The following TSPAN14 variants were observed in gnomAD, a reference collection of about 807,000 sequenced individuals.
TSPAN14 encodes the protein tetraspanin-14.
TSPAN14 carries 16 observed loss-of-function variants against 36.6 expected under a neutral mutation model. That is an observed-to-expected ratio of 0.44 (90% confidence interval 0.30 to 0.66). The LOEUF (loss-of-function observed/expected upper bound fraction) is 0.66, where lower values mean the gene tolerates loss of function less well. Ranked by LOEUF, TSPAN14 falls within the 30% of genes least tolerant of loss-of-function variation. The pLI, the probability that TSPAN14 is intolerant of heterozygous loss-of-function variation, is 0.12. For synonymous variants in TSPAN14, 139 were observed against 143.8 expected, an observed-to-expected ratio of 0.97 and a Z score of 0.24; for missense variants, 231 against 355.1, an observed-to-expected ratio of 0.65 and a Z score of 2.81.
At chr10:80,498,984 C>T (rs1589282173) in intron 2 of TSPAN14, among the ~76,000 whole-genome samples, 5 of 152,196 alleles carry the variant, frequency 3.3e-5, no homozygotes, top group Admixed American at 3.3e-4. Flanking sequence ...GACCCGGAGG[C>T]CAGCAGGGCA....
intron 1 of TSPAN14, among the ~76,000 whole-genome samples, chr10:80,484,176 C>A (rs149260414): frequency 0.021 from 3,128 of 150,098 alleles, 98 homozygotes; most frequent in African/African-American, 0.073. Context: ...ACCAGGGAGG[C>A]GGAGGTTGCA....
intron 1 of TSPAN14, among the ~76,000 whole-genome samples, chr10:80,462,875 A>T (rs1419841891): frequency 1.3e-5 from 2 of 152,148 alleles, no homozygotes; most frequent in Non-Finnish European, 1.5e-5. Context: ...CTCGAGCTCC[A>T]CTGATGACTG....
At chr10:80,480,907 G>C (rs1047342695) in intron 1 of TSPAN14, among the ~76,000 whole-genome samples, 6 of 152,074 alleles carry the variant, frequency 3.9e-5, no homozygotes, top group African/African-American at 7.2e-5. Context: ...TTGTGCACAT[G>C]TACCCTAAAA....
At chr10:80,517,940 A>G (rs901503039) in exon 9 of TSPAN14, 2 of 1,567,252 alleles carry the variant, frequency 1.3e-6, no homozygotes, top group African/African-American at 2.7e-5. Flanking sequence ...CGCTGATCTC[A>G]GACATCGAGG....
At chr10:80,465,603 CAGAA>C (rs1252354391) in intron 1 of TSPAN14, among the ~76,000 whole-genome samples, 1 of 152,198 alleles carries the variant, frequency 6.6e-6, no homozygotes, top group Non-Finnish European at 1.5e-5. Context: ...CTTACTGGAT[CAGAA>C]AGATAGTGAC....
chr10:80,490,888 G>C (rs937863012), intron 2 of TSPAN14, among the ~76,000 whole-genome samples: 4 of 152,172 alleles, frequency 2.6e-5, no homozygotes, highest in Admixed American at 2.0e-4. Context: ...CAGAGTCTTT[G>C]AAAACCATTA....
intron 1 of TSPAN14, among the ~76,000 whole-genome samples, chr10:80,480,561 A>C (rs1468255654): frequency 6.6e-6 from 1 of 152,212 alleles, no homozygotes; most frequent in African/African-American, 2.4e-5. Context: ...CTGGATTAAG[A>C]AAATGTGGCA....
At position 80,509,600 on chromosome 10, in the gene TSPAN14, C is replaced by A; in HGVS notation, c.450+129C>A. Reference sequence around the variant, plus strand: ...TGCAGCTTGGCAGACAGCAGGGAGGCCGTGGAACAAGCCACTCCACCTCTG... The same window carrying A: ...TGCAGCTTGGCAGACAGCAGGGAGGACGTGGAACAAGCCACTCCACCTCTG... On this transcript the variant is annotated intron_variant, in intron 5 of 8. Coordinates refer to ENST00000429989, the Ensembl canonical transcript of TSPAN14. This position sits in a 1 kb window ranked among gnomAD's most constrained non-coding sequence, Gnocchi z 4.7. The A allele has an allele frequency of 1.0e-6, 1 of 986,744 alleles. No individual in the cohort carries two copies. Among genetic ancestry groups the A allele is most frequent in the Non-Finnish European group, 1.5e-6 (1 of 680,494 alleles). 61.1% of individuals were successfully genotyped at this position (986,744 alleles called of 1,614,324 possible).
intron 3 of TSPAN14, among the ~76,000 whole-genome samples, chr10:80,506,894 G>A (rs1276363750): frequency 6.6e-6 from 1 of 152,238 alleles, no homozygotes; most frequent in East Asian, 1.9e-4. Flanking sequence ...CCACCTGGGT[G>A]ACCAGTTTGA....
At position 80,483,366 on chromosome 10, in the gene TSPAN14, C is replaced by T. The variant is rs556916300; in HGVS notation, c.-17-5851C>T. Among the ~76,000 whole-genome samples, 472 of 152,338 alleles carry T rather than the reference C, an allele frequency of 3.1e-3. 10 individuals carry two copies. Among genetic ancestry groups the T allele is most frequent in the Non-Finnish European group, 1.0e-3 (68 of 68,034 alleles). On this transcript the variant is annotated intron_variant, in intron 1 of 8. Transcript: ENST00000429989. ...CCATTTTCATGCTCTTAACATTCCA[C>T]TTTGGCCTTTAAGCACATGCTTACA...
intron 2 of TSPAN14, among the ~76,000 whole-genome samples, chr10:80,501,767 T>A (rs1848536338): frequency 6.6e-6 from 1 of 152,208 alleles, no homozygotes; most frequent in African/African-American, 2.4e-5. Context: ...TTGCTCTGAA[T>A]GCCTTTGGAT....
At chr10:80,454,730 G>T (rs932405326) in intron 1 of TSPAN14, among the ~76,000 whole-genome samples, 5 of 152,172 alleles carry the variant, frequency 3.3e-5, no homozygotes, top group Non-Finnish European at 7.4e-5. Flanking sequence ...GGCGACGGGA[G>T]CCTGGACGGC....
Position 80,499,819 on chromosome 10 carries a change from C to T in TSPAN14, c.82-4909C>T, listed in dbSNP as rs146327385. Among the ~76,000 whole-genome samples, 49 of 152,310 alleles carry T rather than the reference C, an allele frequency of 3.2e-4. No homozygotes were observed. In the South Asian group the frequency reaches 8.5e-3, roughly 26 times the overall value. On this transcript the variant is annotated intron_variant, in intron 2 of 8. Transcript: ENST00000429989. The stretch of plus-strand genomic sequence containing the variant: ...CAGTGACCATAGCAGTTTAGGTGCT[C>T]GCTGGTCCAGCAGAGGAGGCTGGCC...
At chr10:80,488,746 C>G (rs2132011716) in intron 1 of TSPAN14, among the ~76,000 whole-genome samples, 1 of 152,238 alleles carries the variant, frequency 6.6e-6, no homozygotes, top group South Asian at 2.1e-4. Flanking sequence ...GTGGTCAAGC[C>G]CGTTTCTTCT....
chr10:80,495,144 G>A (rs1044569671), intron 2 of TSPAN14, among the ~76,000 whole-genome samples: 21 of 152,326 alleles, frequency 1.4e-4, no homozygotes, highest in African/African-American at 4.8e-4. Flanking sequence ...TAAGGATGCA[G>A]TGATTAGTTT....
intron 4 of TSPAN14, among the ~76,000 whole-genome samples, chr10:80,508,267 T>C (rs1564742207): frequency 6.6e-6 from 1 of 151,968 alleles, no homozygotes. Flanking sequence ...AGGCGCCCGC[T>C]ACCATGCCTG....
At chr10:80,511,352 G>T (rs1010708260) in intron 5 of TSPAN14, among the ~76,000 whole-genome samples, 2 of 152,298 alleles carry the variant, frequency 1.3e-5, no homozygotes, top group Non-Finnish European at 2.9e-5. Flanking sequence ...TTGTAAAGGG[G>T]TGAAAAGGGG....
intron 1 of TSPAN14, among the ~76,000 whole-genome samples, chr10:80,462,115 A>G (rs1466035933): frequency 2.0e-5 from 3 of 152,018 alleles, no homozygotes; most frequent in African/African-American, 4.8e-5. Context: ...GGATCTTGCT[A>G]TGTTGCCTAG....
intron 1 of TSPAN14, chr10:80,459,335 C>T (rs115691423): frequency 0.011 from 1,626 of 152,448 alleles, 12 homozygotes; most frequent in African/African-American, 0.023. Flanking sequence ...TCACCCCTTG[C>T]GGTCTGTACT....
Sources: allele counts gnomAD v4.1 joint callset (sites outside exome capture counted in the v4.1 genomes callset), GRCh38; gene constraint gnomAD v4.1.1; non-coding constraint Gnocchi (gnomAD v3.1); transcripts MANE v1.5; gene names NCBI Gene and HGNC (gene_info 2026-07-23, HGNC 2026-07-21).